Variants in KCNMA1 observed in about 807,000 individuals in gnomAD.
KCNMA1 encodes Calcium-activated potassium channel subunit alpha-1.
Under a neutral mutation model 140.0 loss-of-function variants are expected in KCNMA1, and 29 were observed. That is an observed-to-expected ratio of 0.21 (90% CI 0.15 to 0.28). The LOEUF (loss-of-function observed/expected upper bound fraction) is 0.28, where lower values mean the gene tolerates loss of function less well. KCNMA1 is among the 10% of genes least tolerant of loss of function. The pLI is 1.00. For missense variants in KCNMA1, 880 were observed against 1,602.2 expected (o/e 0.55, Z 7.70); for synonymous variants, 612 against 611.9 (o/e 1.00, Z 0.00).
intron 2 of KCNMA1, among the ~76,000 whole-genome samples, chr10:77,400,872 G>A (rs2096241687): frequency 6.6e-6 from 1 of 152,066 alleles, no homozygotes; most frequent in South Asian, 2.1e-4. Flanking sequence ...GAGTCTCAAG[G>A]TGGCCGCTGG....
chr10:77,070,535 T>C (rs2096156894), intron 14 of KCNMA1, among the ~76,000 whole-genome samples: 1 of 152,160 alleles, frequency 6.6e-6, no homozygotes, highest in Admixed American at 6.5e-5. Flanking sequence ...TGCCAAAGCC[T>C]CACCCCTTCT....
intron 5 of KCNMA1, among the ~76,000 whole-genome samples, chr10:77,151,210 T>C (rs75923305): frequency 3.0e-3 from 10 of 3,280 alleles, no homozygotes; most frequent in East Asian, 0.031. Flanking sequence ...CTCTCTCTCT[T>C]TCTTTCTTTC....
intron 1 of KCNMA1, among the ~76,000 whole-genome samples, chr10:77,429,973 A>G (rs529389743): frequency 9.2e-5 from 14 of 152,218 alleles, no homozygotes; most frequent in African/African-American, 3.4e-4. Context: ...TACACAAATG[A>G]TTTAGATTAA....
intron 1 of KCNMA1, among the ~76,000 whole-genome samples, chr10:77,612,665 T>C (rs995689054): frequency 2.0e-5 from 3 of 152,214 alleles, no homozygotes; most frequent in Non-Finnish European, 2.9e-5. Context: ...ACATGTATGT[T>C]AGACTTCAAT....
intron 9 of KCNMA1, among the ~76,000 whole-genome samples, chr10:77,095,433 G>A (rs886916874): frequency 1.5e-4 from 23 of 152,080 alleles, no homozygotes; most frequent in African/African-American, 4.3e-4. Context: ...AGTATCCAAC[G>A]GCACTTTCTG....
intron 1 of KCNMA1, among the ~76,000 whole-genome samples, chr10:77,457,734 G>A (rs1231710474): frequency 6.6e-6 from 1 of 152,050 alleles, no homozygotes; most frequent in African/African-American, 2.4e-5. Flanking sequence ...CGGGCATTCT[G>A]AGAGCCTGGT....
intron 3 of KCNMA1, among the ~76,000 whole-genome samples, chr10:77,187,249 T>C (rs114836552): frequency 4.6e-4 from 70 of 152,292 alleles, no homozygotes; most frequent in African/African-American, 1.7e-3. Context: ...GGATTCAACA[T>C]AAATGGAAAC....
chr10:77,144,447 T>C (rs2098248957), intron 5 of KCNMA1, among the ~76,000 whole-genome samples: 1 of 152,114 alleles, frequency 6.6e-6, no homozygotes, highest in Non-Finnish European at 1.5e-5. Context: ...TTGACAGAAA[T>C]GAGCATAAAG....
chr10:77,267,567 C>A (rs2154276192), intron 2 of KCNMA1, among the ~76,000 whole-genome samples: 1 of 152,272 alleles, frequency 6.6e-6, no homozygotes, highest in East Asian at 1.9e-4. Context: ...GAAAGAGCAT[C>A]CAAGGCAGGA....
intron 1 of KCNMA1, among the ~76,000 whole-genome samples, chr10:77,545,997 G>A (rs929456778): frequency 3.9e-5 from 6 of 152,064 alleles, no homozygotes; most frequent in Non-Finnish European, 7.4e-5. Flanking sequence ...CCCTCCCTAT[G>A]GCCATTCCCC....
chr10:77,014,606 C>G (rs2091611235), intron 17 of KCNMA1, among the ~76,000 whole-genome samples: 1 of 151,280 alleles, frequency 6.6e-6, no homozygotes, highest in East Asian at 2.0e-4. Context: ...CCCCTGTTAA[C>G]CACCATTCCA....
chr10:77,387,585 C>A (rs11002147), intron 2 of KCNMA1, among the ~76,000 whole-genome samples: 12 of 143,300 alleles, frequency 8.4e-5, no homozygotes, highest in African/African-American at 2.9e-4. Context: ...TTTTTCTTTT[C>A]TCTTTTCTTT....
chr10:76,982,081 T>G (rs2079673238), intron 19 of KCNMA1, among the ~76,000 whole-genome samples: 1 of 152,186 alleles, frequency 6.6e-6, no homozygotes, highest in African/African-American at 2.4e-5. Flanking sequence ...TGATTTGTAA[T>G]GACTCTGAGT....
At chr10:77,548,617 T>G (rs557315481) in intron 1 of KCNMA1, among the ~76,000 whole-genome samples, 1 of 152,314 alleles carries the variant, frequency 6.6e-6, no homozygotes, top group African/African-American at 2.4e-5. Flanking sequence ...GGCACAACTC[T>G]TGATAGATCT....
chr10:76,903,538 A>T (rs1037430769), intron 25 of KCNMA1: 1 of 152,148 alleles, frequency 6.6e-6, no homozygotes, highest in African/African-American at 2.4e-5. Context: ...CTAGCAGGAC[A>T]TACCTCCATG....
intron 1 of KCNMA1, among the ~76,000 whole-genome samples, chr10:77,481,571 G>A (rs1359451985): frequency 6.6e-6 from 1 of 151,950 alleles, no homozygotes; most frequent in Non-Finnish European, 1.5e-5. Context: ...TCAGGAGATC[G>A]AGACCATCCT....
intron 2 of KCNMA1, among the ~76,000 whole-genome samples, chr10:77,280,602 C>G (rs2068164641): frequency 6.6e-6 from 1 of 152,144 alleles, no homozygotes; most frequent in South Asian, 2.1e-4. Flanking sequence ...TCATGGCTCA[C>G]TGCAGCCTCT....
chr10:77,252,614 C>CCACA (rs537358065), intron 2 of KCNMA1, among the ~76,000 whole-genome samples: 1 of 147,662 alleles, frequency 6.8e-6, no homozygotes, highest in African/African-American at 2.5e-5. Flanking sequence ...TTACACCCAC[C>CCACA]CACACACACA....
intron 2 of KCNMA1, among the ~76,000 whole-genome samples, chr10:77,297,181 C>A (rs558989176): frequency 6.6e-6 from 1 of 152,080 alleles, no homozygotes; most frequent in African/African-American, 2.4e-5. Flanking sequence ...CCTCTGGCTT[C>A]CAGAGAACTA....
Sources: gnomAD v4.1 joint callset for allele counts (sites outside exome capture counted in the v4.1 genomes callset) on GRCh38, gnomAD v4.1.1 for gene constraint, MANE v1.5 for transcripts, NCBI Gene and HGNC (gene_info 2026-07-23, HGNC 2026-07-21) for gene names.